The following CELF4 variants were observed in gnomAD, a reference collection of about 807,000 sequenced individuals.
CELF4 encodes CUGBP Elav-like family member 4, also known as CUG-BP- and ETR-3-like factor 4.
CELF4 carries 18 observed loss-of-function variants against 59.9 expected under a neutral mutation model. That is an observed-to-expected ratio of 0.30 (90% CI 0.21 to 0.45). The LOEUF is 0.45. Ranked by LOEUF, CELF4 falls within the 20% of genes least tolerant of loss-of-function variation. The probability of loss-of-function intolerance (pLI) is 1.00; values close to 1 mark genes in which losing one functional copy is unlikely to be tolerated. For missense variants in CELF4, 456 were observed against 689.0 expected, an observed-to-expected ratio of 0.66 and a Z score of 3.79; for synonymous variants, 261 against 267.1, an observed-to-expected ratio of 0.98 and a Z score of 0.22.
chr18:37,493,287 T>C (rs1238849100), intron 1 of CELF4, among the ~76,000 whole-genome samples: 1 of 152,190 alleles, frequency 6.6e-6, no homozygotes, highest in Non-Finnish European at 1.5e-5. Flanking sequence ...CAGGAAGCCT[T>C]CCCTGACTAC....
At chr18:37,314,357 C>T (rs111827593) in intron 3 of CELF4, among the ~76,000 whole-genome samples, 14 of 151,936 alleles carry the variant, frequency 9.2e-5, no homozygotes, top group African/African-American at 2.9e-4. Flanking sequence ...CTGGGGGCTG[C>T]GGCAGGAGGA....
intron 2 of CELF4, among the ~76,000 whole-genome samples, chr18:37,343,669 G>A (rs2098139564): frequency 6.6e-6 from 1 of 152,082 alleles, no homozygotes; most frequent in Non-Finnish European, 1.5e-5. Flanking sequence ...CTGGGCACCT[G>A]TGCGTGTATT....
intron 2 of CELF4, among the ~76,000 whole-genome samples, chr18:37,370,854 C>T: frequency 6.6e-6 from 1 of 152,272 alleles, no homozygotes; most frequent in South Asian, 2.1e-4. Flanking sequence ...GTAATTTTTA[C>T]CCAGTTCTTC....
chr18:37,388,032 C>T (rs1450766244), intron 2 of CELF4, among the ~76,000 whole-genome samples: 5 of 151,798 alleles, frequency 3.3e-5, no homozygotes, highest in Admixed American at 3.3e-4. Context: ...TGCTTTAATG[C>T]CACACTCGGT....
At chr18:37,269,945 C>A (rs1346676612) in intron 8 of CELF4, among the ~76,000 whole-genome samples, 2 of 152,174 alleles carry the variant, frequency 1.3e-5, no homozygotes, top group Non-Finnish European at 2.9e-5. Context: ...CTTACGGGGA[C>A]TCTAACCTCA....
intron 2 of CELF4, among the ~76,000 whole-genome samples, chr18:37,468,913 G>A (rs536755218): frequency 1.3e-5 from 2 of 152,118 alleles, no homozygotes; most frequent in South Asian, 2.1e-4. Flanking sequence ...CTCTTGACAC[G>A]TGGGGATTAT....
At chr18:37,425,567 A>G (rs1279785967) in intron 2 of CELF4, among the ~76,000 whole-genome samples, 1 of 152,274 alleles carries the variant, frequency 6.6e-6, no homozygotes, top group Admixed American at 6.5e-5. Flanking sequence ...AGAACGAAGG[A>G]AAAGGAGAGT....
chr18:37,387,015 C>T (rs984643263), intron 2 of CELF4, among the ~76,000 whole-genome samples: 3 of 152,236 alleles, frequency 2.0e-5, no homozygotes, highest in Admixed American at 6.5e-5. Context: ...GATAGAGAGA[C>T]GGCACGCACG....
chr18:37,253,731 A>C lies in CELF4; in HGVS notation c.*44+36T>G, dbSNP rs964978876. ...CGGCGGGTCCGTCTGGTTCCCTCCCAACCCCCGTCCCCGCGCCCCGGCCGC... is the reference window on the plus strand; with the variant it reads ...CGGCGGGTCCGTCTGGTTCCCTCCCCACCCCCGTCCCCGCGCCCCGGCCGC... On this transcript the variant is annotated intron_variant, in intron 12 of 12. Transcript: ENST00000420428. The surrounding 1 kb of genome is among the most constrained non-coding windows in gnomAD (Gnocchi z 4.5). 4 of 1,498,764 alleles carry C rather than the reference A, an allele frequency of 2.7e-6. No homozygotes were observed. The African/African-American group carries it at 5.7e-5, about 21-fold the overall frequency. 92.8% of individuals were successfully genotyped at this position (1,498,764 alleles called of 1,614,324 possible).
chr18:37,448,073 A>G lies in CELF4; in HGVS notation c.369+37452T>C, dbSNP rs555199999. Among the ~76,000 whole-genome samples the G allele has an allele frequency of 2.9e-4, 44 of 152,344 alleles. 1 individual carries two copies. Among genetic ancestry groups the G allele is most frequent in the Middle Eastern group, 6.8e-3 (2 of 294 alleles). Reference sequence around the variant, plus strand: ...ATTCAGTGATTCCCAAATTAAAATGATCTAGAGCCATGAGGCAGTCGAATG... The same window carrying G: ...ATTCAGTGATTCCCAAATTAAAATGGTCTAGAGCCATGAGGCAGTCGAATG... On this transcript the variant is annotated intron_variant, in intron 2 of 12. Transcript: ENST00000420428.
chr18:37,255,628 G>A (rs1240081561), intron 11 of CELF4, among the ~76,000 whole-genome samples: 1 of 151,820 alleles, frequency 6.6e-6, no homozygotes, highest in Non-Finnish European at 1.5e-5. Flanking sequence ...CTAAAGTCAA[G>A]TTACGTCAAG....
chr18:37,357,574 G>T (rs553848609), intron 2 of CELF4, among the ~76,000 whole-genome samples: 7 of 152,200 alleles, frequency 4.6e-5, no homozygotes, highest in Non-Finnish European at 1.0e-4. Flanking sequence ...CCCTACTGGG[G>T]CACTGCCTAG....
chr18:37,413,534 T>C (rs1477832181), intron 2 of CELF4, among the ~76,000 whole-genome samples: 1 of 152,190 alleles, frequency 6.6e-6, no homozygotes, highest in Non-Finnish European at 1.5e-5. Context: ...TGCCCTCCAC[T>C]CCTGTGACAT....
intron 2 of CELF4, among the ~76,000 whole-genome samples, chr18:37,350,977 T>A (rs1258589887): frequency 6.6e-6 from 1 of 152,196 alleles, no homozygotes; most frequent in African/African-American, 2.4e-5. Context: ...CATACTGCCT[T>A]CAAGGTTACC....
At chr18:37,482,474 A>G (rs1247240656) in intron 2 of CELF4, among the ~76,000 whole-genome samples, 2 of 152,198 alleles carry the variant, frequency 1.3e-5, no homozygotes, top group Admixed American at 6.5e-5. Flanking sequence ...AAACATGCCA[A>G]ACTCAAAAAT....
chr18:37,303,568 T>C (rs1026093001), intron 3 of CELF4, among the ~76,000 whole-genome samples: 13 of 152,022 alleles, frequency 8.6e-5, no homozygotes, highest in African/African-American at 2.4e-4. Flanking sequence ...TCCTCAGAAC[T>C]AGGCTGGGCA....
chr18:37,353,910 C>T (rs1308408500), intron 2 of CELF4, among the ~76,000 whole-genome samples: 1 of 151,830 alleles, frequency 6.6e-6, no homozygotes, highest in East Asian at 1.9e-4. Context: ...GCACTCACCA[C>T]ACGCCCAGCT....
chr18:37,502,260 T>C (rs115963705), intron 1 of CELF4, among the ~76,000 whole-genome samples: 254 of 152,240 alleles, frequency 1.7e-3, no homozygotes, highest in African/African-American at 6.1e-3. Flanking sequence ...ACCTTCTCCA[T>C]GAAATCGGTG....
chr18:37,505,045 A>C (rs1786782), intron 1 of CELF4, among the ~76,000 whole-genome samples: 149,748 of 152,344 alleles, frequency 0.98, 73,663 homozygotes, highest in Middle Eastern at 1. Flanking sequence ...CAAGGCTGAG[A>C]CTGAGAAAGG....
Sources: gnomAD v4.1 joint callset for allele counts (sites outside exome capture counted in the v4.1 genomes callset) on GRCh38, gnomAD v4.1.1 for gene constraint, Gnocchi (gnomAD v3.1) non-coding constraint, MANE v1.5 for transcripts, NCBI Gene and HGNC (gene_info 2026-07-23, HGNC 2026-07-21) for gene names.